The following SAMD11 variants were observed in gnomAD, a reference collection of about 807,000 sequenced individuals.
The protein encoded by SAMD11 is sterile alpha motif domain containing 11.
SAMD11 carries 77 observed loss-of-function variants against 64.4 expected under a neutral mutation model. That is an observed-to-expected ratio of 1.20 (90% CI 0.99 to 1.44). The LOEUF is 1.44. Among genes scored for constraint, SAMD11 ranks in the 40% most tolerant of loss-of-function variants. The probability of loss-of-function intolerance (pLI) is 0.00; values close to 1 mark genes in which losing one functional copy is unlikely to be tolerated. For synonymous variants in SAMD11, 658 were observed against 421.9 expected (o/e 1.56, Z -6.86); for missense variants, 1,402 against 943.3 (o/e 1.49, Z -6.37).
chr1:942,705 C>G lies in SAMD11; in HGVS notation c.1700C>G (p.Ala567Gly), dbSNP rs1329048933. Residue 567 changes from alanine to glycine, a missense_variant, in exon 11 of 14, where the codon GCG (alanine) becomes GGG (glycine). Ala to Gly is a moderately conservative substitution (Grantham distance 60). Coordinates refer to ENST00000616016, the MANE Select transcript of SAMD11 (RefSeq NM_001385641.1). ...RGALLVLNHG[A>G]APLLALPPQG... The stretch of plus-strand genomic sequence containing the variant: ...GCCCTGCTGGTGCTGAACCACGGCG[C>G]GGCGCCACTGCTGGCCCTGCCCCCC... 6.9e-7 allele frequency: 1 copy of G among 1,441,834 alleles called. No homozygotes were observed. Among genetic ancestry groups the G allele is most frequent in the Admixed American group, 2.9e-5 (1 of 34,380 alleles). The allele number at this position is 1,441,834 out of a possible 1,614,324, so 89.3% of individuals were successfully genotyped here.
intron 4 of SAMD11, among the ~76,000 whole-genome samples, chr1:933,191 G>C (rs972817763): frequency 6.6e-6 from 1 of 152,208 alleles, no homozygotes; most frequent in Non-Finnish European, 1.5e-5. Context: ...TGATGTGCCC[G>C]GGCCGGGTTC....
chr1:938,925 C>A, intron 5 of SAMD11, 115 bp from the exon 6 acceptor site: 1 of 932,862 alleles, frequency 1.1e-6, no homozygotes, highest in Non-Finnish European at 1.7e-6. Flanking sequence ...CTGTACTCAC[C>A]AGGACCAAGG....
intron 12 of SAMD11, 81 bp from the exon 13 acceptor site, chr1:943,617 A>C: frequency 7.2e-7 from 1 of 1,397,828 alleles, no homozygotes; most frequent in Non-Finnish European, 9.4e-7. Flanking sequence ...CGTGAGCTGC[A>C]CAAACAGCTC....
chr1:936,188 C>T (rs1018786592), intron 5 of SAMD11, among the ~76,000 whole-genome samples: 13 of 152,204 alleles, frequency 8.5e-5, no homozygotes, highest in South Asian at 2.1e-4. Context: ...GGTTCAGAAA[C>T]GCACACCCTG....
chr1:942,096 G>T (rs1011945726), intron 8 of SAMD11, 40 bp from the exon 9 acceptor site: 1 of 608,892 alleles, frequency 1.6e-6, no homozygotes, highest in Non-Finnish European at 2.6e-6. Context: ...TACGGGAACG[G>T]GGGCGGGGGG....
At position 943,704 on chromosome 1, in the gene SAMD11, AG is replaced by A. The variant is rs771554558; in HGVS notation, c.2188del (p.Glu730SerfsTer12). ...SGCGEYTRVF[R>X]EQGIDGETLP... is the part of the protein sequence containing the mutation. ...CCCTCCCTCCCCCTTCCAGGTCTTC[AG>A]GGAGCAGGGGATCGACGGGGAGACC... is the stretch of plus-strand genomic sequence containing the variant. On this transcript the variant is annotated frameshift_variant, in exon 13 of 14. Transcript: ENST00000616016. LOFTEE classifies it high-confidence loss of function. The A allele has an allele frequency of 1.3e-6, 2 of 1,577,220 alleles. No individual in the cohort carries two copies. Among genetic ancestry groups the A allele is most frequent in the Non-Finnish European group, 8.6e-7 (1 of 1,159,868 alleles).
intron 2 of SAMD11, among the ~76,000 whole-genome samples, chr1:928,920 C>T (rs1391368084): frequency 6.6e-6 from 1 of 152,220 alleles, no homozygotes; most frequent in Non-Finnish European, 1.5e-5. Flanking sequence ...CTAACAGCCT[C>T]ATCCCCAAGC....
chr1:937,802 C>T (rs1215745882), intron 5 of SAMD11, among the ~76,000 whole-genome samples: 1 of 152,260 alleles, frequency 6.6e-6, no homozygotes, highest in East Asian at 1.9e-4. Flanking sequence ...CTGACAGCAG[C>T]CGGGCCAGGA....
rs1264622229 is a variant in SAMD11, at chr1:941,684, C to T, written c.1358+378C>T. On this transcript the variant is annotated intron_variant, in intron 8 of 13. Coordinates refer to ENST00000616016, the MANE Select transcript of SAMD11 (RefSeq NM_001385641.1). ...GATCTGTTCCCGGCACAGACAAGGC[C>T]TCCGGCACAGACCCGGGTTTCTCGG... Among the ~76,000 whole-genome samples the T allele has an allele frequency of 2.0e-5, 3 of 152,092 alleles. No individual in the cohort carries two copies. In the East Asian group the frequency reaches 5.8e-4, roughly 29 times the overall value.
chr1:930,486 C>G, intron 3 of SAMD11, 150 bp downstream of exon 3: 2 of 899,088 alleles, frequency 2.2e-6, no homozygotes. Flanking sequence ...GGGTCGCAGG[C>G]AGGAGCTGTT....
Position 944,466 on chromosome 1 carries a change from TGACTTCAGCAG to T in SAMD11, c.*314_*324del. Reference sequence around the variant, plus strand: ...GTCAGGGTCAGCTCCCCCGCGGAGCTGACTTCAGCAGCCCACAGCTGTGGGGCTTCAGCAGC... The same window carrying T: ...GTCAGGGTCAGCTCCCCCGCGGAGCTCCCACAGCTGTGGGGCTTCAGCAGC... On this transcript the variant is annotated 3_prime_UTR_variant, in exon 14 of 14. Coordinates refer to ENST00000616016, the MANE Select transcript of SAMD11 (RefSeq NM_001385641.1). The T allele has an allele frequency of 5.2e-6, 4 of 763,130 alleles. No individual in the cohort carries two copies. 47.3% of individuals were successfully genotyped at this position (763,130 alleles called of 1,614,324 possible).
At chr1:942,377 C>A in intron 9 of SAMD11, 33 bp from the exon 10 acceptor site, 1 of 1,283,596 alleles carries the variant, frequency 7.8e-7, no homozygotes, top group South Asian at 1.4e-5. Context: ...CGCCTCGGAC[C>A]CCCCGACCCC....
chr1:943,645 C>G lies in SAMD11; in HGVS notation c.2179-53C>G, dbSNP rs554151824. 10,986 of 1,464,142 alleles carry G rather than the reference C, an allele frequency of 7.5e-3. 67 individuals carry two copies. Among genetic ancestry groups the G allele is most frequent in the Non-Finnish European group, 9.2e-3 (10,168 of 1,106,672 alleles). 90.7% of individuals were successfully genotyped at this position (1,464,142 alleles called of 1,614,324 possible). The stretch of plus-strand genomic sequence containing the variant: ...AACAGCTCCTCTTGGCTCTGCTGGG[C>G]TGGAGGATGGAGCAGCACCCGGGTC... On this transcript the variant is annotated intron_variant, in intron 12 of 13. Transcript: ENST00000616016.
At position 943,818 on chromosome 1, in the gene SAMD11, T is replaced by C. The variant is rs2100367165; in HGVS notation, c.2289+10T>C. 5 of 1,612,822 alleles carry C rather than the reference T, an allele frequency of 3.1e-6. No individual in the cohort carries two copies. The South Asian group carries it at 4.4e-5, about 14-fold the overall frequency. ...CAAGATCCGGGCCCAGGTGAGACGC[T>C]GGGGAGTGAGGTCAGGGTCTCCAGA... On this transcript the variant is annotated intron_variant, in intron 13 of 13. Coordinates refer to ENST00000616016, the MANE Select transcript of SAMD11 (RefSeq NM_001385641.1).
At position 939,305 on chromosome 1, in the gene SAMD11, C is replaced by A; in HGVS notation, c.1088C>A (p.Pro363His). 1 of 1,610,352 alleles carries A rather than the reference C, an allele frequency of 6.2e-7. No individual in the cohort carries two copies. The highest frequency in any genetic ancestry group is 2.2e-5 in the East Asian group (1 of 44,812). The change falls in exon 7 of 14, where the codon CCC (proline) becomes CAC (histidine). Residue 363 changes from proline (P) to histidine (H), a missense_variant. By Grantham distance (77) the Pro-to-His change is moderately conservative (BLOSUM62 -2). Coordinates refer to ENST00000616016, the MANE Select transcript of SAMD11 (RefSeq NM_001385641.1). ...EALLLPRELGPSMAPEDHYRR... is the reference protein window; with the variant it reads ...EALLLPRELGHSMAPEDHYRR... ...CTGCTGCTGCCGCGGGAGCTGGGGC[C>A]CAGCATGGCCCCGGAGGACCATTAC...
chr1:941,262 C>G lies in SAMD11; in HGVS notation c.1314C>G (p.His438Gln). 6.2e-7 allele frequency: 1 copy of G among 1,600,268 alleles called. No individual in the cohort carries two copies. Among genetic ancestry groups the G allele is most frequent in the Non-Finnish European group, 8.5e-7 (1 of 1,174,044 alleles). Residue 438 changes from histidine to glutamine, a missense_variant, in exon 8 of 14, where the codon CAC becomes CAG. Coordinates refer to ENST00000616016, the MANE Select transcript of SAMD11 (RefSeq NM_001385641.1). ...GQRRKQGLAQ[H>Q]REGAAPAAAP... ...GTCGGAAGCAGGGCCTGGCTCAGCA[C>G]CGGGAGGGCGCCGCCCCAGCTGCCG... is the stretch of plus-strand genomic sequence containing the variant.
At chr1:940,000 C>T (rs533578495) in intron 7 of SAMD11, among the ~76,000 whole-genome samples, 3 of 152,228 alleles carry the variant, frequency 2.0e-5, no homozygotes, top group East Asian at 1.9e-4. Context: ...GCACTCGGAC[C>T]CCCTGCCCGC....
intron 4 of SAMD11, 47 bp downstream of exon 4, chr1:931,136 C>CCCTG (rs2100310246): frequency 7.8e-7 from 1 of 1,287,690 alleles, no homozygotes; most frequent in Non-Finnish European, 1.1e-6. Flanking sequence ...TGACTCCCCT[C>CCCTG]CCTCCCTCCC....
Position 943,686 on chromosome 1 carries a change from T to C in SAMD11, c.2179-12T>C, listed in dbSNP as rs773136007. 14 of 1,037,332 alleles carry C rather than the reference T, an allele frequency of 1.3e-5. No individual in the cohort carries two copies. The highest frequency in any genetic ancestry group is 6.9e-5 in the South Asian group (5 of 71,958). 64.3% of individuals were successfully genotyped at this position (1,037,332 alleles called of 1,614,324 possible). On this transcript the variant is annotated splice_polypyrimidine_tract_variant and intron_variant, in intron 12 of 13. Coordinates refer to ENST00000616016, the MANE Select transcript of SAMD11 (RefSeq NM_001385641.1). ...CACCCGGGTCCTGACCCTCCCTCCC[T>C]CCCCCTTCCAGGTCTTCAGGGAGCA...
Sources: gnomAD v4.1 joint callset for allele counts (sites outside exome capture counted in the v4.1 genomes callset) on GRCh38, gnomAD v4.1.1 for gene constraint, MANE v1.5 for transcripts, NCBI Gene and HGNC (gene_info 2026-07-23, HGNC 2026-07-21) for gene names.